Variants in GRM1 observed in about 807,000 individuals in gnomAD.
The protein encoded by GRM1 is glutamate metabotropic receptor 1.
A neutral mutation model predicts 90.9 loss-of-function variants in GRM1; 33 were observed. That is an observed-to-expected ratio of 0.36 (90% confidence interval 0.28 to 0.49). The LOEUF (loss-of-function observed/expected upper bound fraction) is 0.49, where lower values mean the gene tolerates loss of function less well. Ranked by LOEUF, GRM1 falls within the 20% of genes least tolerant of loss-of-function variation. The pLI, the probability that GRM1 is intolerant of heterozygous loss-of-function variation, is 0.99. For missense variants in GRM1, 1,190 were observed against 1,534.3 expected, an observed-to-expected ratio of 0.78 and a Z score of 3.75; for synonymous variants, 700 against 613.2, an observed-to-expected ratio of 1.14 and a Z score of -2.09.
At chr6:146,180,063 TG>T (rs1293292889) in intron 2 of GRM1, among the ~76,000 whole-genome samples, 1 of 151,968 alleles carries the variant, frequency 6.6e-6, no homozygotes, top group East Asian at 1.9e-4. Flanking sequence ...GAGATTTGCT[TG>T]AACCTGGGAG....
At chr6:146,374,314 T>C (rs974135343) in intron 5 of GRM1, among the ~76,000 whole-genome samples, 1 of 152,314 alleles carries the variant, frequency 6.6e-6, no homozygotes, top group African/African-American at 2.4e-5. Context: ...TCAGAAATAA[T>C]GGCCTGTAGT....
At chr6:146,231,792 T>C (rs1780459098) in intron 2 of GRM1, among the ~76,000 whole-genome samples, 1 of 152,100 alleles carries the variant, frequency 6.6e-6, no homozygotes, top group African/African-American at 2.4e-5. Flanking sequence ...TTATTATTTG[T>C]ATATATTATT....
chr6:146,195,648 T>C (rs1199594720), intron 2 of GRM1, among the ~76,000 whole-genome samples: 1 of 152,224 alleles, frequency 6.6e-6, no homozygotes, highest in Non-Finnish European at 1.5e-5. Flanking sequence ...AATACAAATT[T>C]ACTAGCAGTG....
intron 5 of GRM1, among the ~76,000 whole-genome samples, chr6:146,363,062 C>A (rs1775550581): frequency 6.6e-6 from 1 of 152,146 alleles, no homozygotes; most frequent in African/African-American, 2.4e-5. Flanking sequence ...TCGTATCTGG[C>A]TTTTCCTGTT....
intron 1 of GRM1, among the ~76,000 whole-genome samples, chr6:146,056,752 A>G (rs1582938390): frequency 2.6e-5 from 4 of 152,266 alleles, no homozygotes; most frequent in Non-Finnish European, 1.5e-5. Flanking sequence ...ACTGTGAACT[A>G]TGCGATTTCT....
intron 3 of GRM1, among the ~76,000 whole-genome samples, chr6:146,346,578 T>C (rs553739618): frequency 6.6e-6 from 1 of 152,256 alleles, no homozygotes; most frequent in South Asian, 2.1e-4. Flanking sequence ...GTTCTGAATC[T>C]TATCTCAAAT....
At chr6:146,103,455 G>A (rs1325120018) in intron 1 of GRM1, among the ~76,000 whole-genome samples, 15 of 152,166 alleles carry the variant, frequency 9.9e-5, no homozygotes. Context: ...TCCCTATAGT[G>A]TCAGCTAAGG....
At chr6:146,127,825 A>C (rs1276946469) in intron 1 of GRM1, among the ~76,000 whole-genome samples, 1 of 152,162 alleles carries the variant, frequency 6.6e-6, no homozygotes, top group Admixed American at 6.5e-5. Context: ...TCCCAAATTT[A>C]GTGGTTTAAA....
At chr6:146,288,147 C>T (rs753776600) in intron 2 of GRM1, among the ~76,000 whole-genome samples, 1 of 152,016 alleles carries the variant, frequency 6.6e-6, no homozygotes, top group Admixed American at 6.6e-5. Flanking sequence ...TTGAGCAGAC[C>T]GTTAGTGAAA....
intron 2 of GRM1, among the ~76,000 whole-genome samples, chr6:146,294,914 A>G (rs1783123763): frequency 6.6e-6 from 1 of 152,128 alleles, no homozygotes; most frequent in South Asian, 2.1e-4. Flanking sequence ...TATTCAGTAC[A>G]TTCATATTTT....
intron 5 of GRM1, among the ~76,000 whole-genome samples, chr6:146,377,396 A>G (rs918148685): frequency 5.9e-5 from 9 of 152,142 alleles, no homozygotes; most frequent in African/African-American, 2.2e-4. Flanking sequence ...GATGGAGATG[A>G]GAAACTTGTT....
intron 1 of GRM1, among the ~76,000 whole-genome samples, chr6:146,057,425 G>A (rs1215481697): frequency 3.9e-5 from 6 of 151,986 alleles, no homozygotes; most frequent in South Asian, 4.1e-4. Flanking sequence ...CCTTGAAAAC[G>A]GCACACCTTT....
intron 2 of GRM1, among the ~76,000 whole-genome samples, chr6:146,224,717 C>T (rs911855943): frequency 6.6e-6 from 1 of 152,108 alleles, no homozygotes; most frequent in Non-Finnish European, 1.5e-5. Context: ...CTGGTAAAAT[C>T]GAGAGTCCTC....
chr6:146,414,606 G>A (rs567382540), intron 7 of GRM1, among the ~76,000 whole-genome samples: 52 of 152,206 alleles, frequency 3.4e-4, no homozygotes, highest in African/African-American at 1.1e-3. Flanking sequence ...GTTTCACCCT[G>A]TTAGCCAGAA....
intron 2 of GRM1, among the ~76,000 whole-genome samples, chr6:146,271,839 A>G (rs1258545117): frequency 1.3e-5 from 2 of 152,228 alleles, no homozygotes; most frequent in African/African-American, 4.8e-5. Flanking sequence ...CTCACCCATT[A>G]GAAGAATGAG....
intron 7 of GRM1, among the ~76,000 whole-genome samples, chr6:146,433,120 T>C (rs1208071041): frequency 6.6e-6 from 1 of 152,206 alleles, no homozygotes; most frequent in Admixed American, 6.5e-5. Context: ...ATACAGCTAT[T>C]TCAATGTTCC....
At chr6:146,114,142 C>T (rs982257771) in intron 1 of GRM1, among the ~76,000 whole-genome samples, 18 of 152,032 alleles carry the variant, frequency 1.2e-4, no homozygotes, top group Non-Finnish European at 2.5e-4. Context: ...ATTTCTACAT[C>T]GAGAATTTGG....
chr6:146,410,004 A>G (rs1777502693), intron 7 of GRM1, among the ~76,000 whole-genome samples: 1 of 152,234 alleles, frequency 6.6e-6, no homozygotes, highest in South Asian at 2.1e-4. Flanking sequence ...CCTAGCAAAT[A>G]CCCTCAAATA....
intron 4 of GRM1, among the ~76,000 whole-genome samples, chr6:146,357,209 T>A (rs1785617622): frequency 6.6e-6 from 1 of 152,224 alleles, no homozygotes; most frequent in Non-Finnish European, 1.5e-5. Context: ...ATTCAAAGAA[T>A]AACTTAATAA....
Sources: gnomAD v4.1 joint callset for allele counts (sites outside exome capture counted in the v4.1 genomes callset) on GRCh38, gnomAD v4.1.1 for gene constraint, MANE v1.5 for transcripts, NCBI Gene and HGNC (gene_info 2026-07-23, HGNC 2026-07-21) for gene names.